The following CCSER1 variants were observed in gnomAD, a reference collection of about 807,000 sequenced individuals.
CCSER1 encodes the protein coiled-coil serine rich protein 1.
CCSER1 carries 41 observed loss-of-function variants against 82.0 expected under a neutral mutation model. That is an observed-to-expected ratio of 0.50 (90% CI 0.39 to 0.65). The LOEUF is 0.65. CCSER1 is among the 30% of genes least tolerant of loss of function. The probability of loss-of-function intolerance (pLI) is 0.00; values close to 1 mark genes in which losing one functional copy is unlikely to be tolerated. For missense variants in CCSER1, 1,119 were observed against 1,064.2 expected (o/e 1.05, Z -0.72); for synonymous variants, 414 against 383.9 (o/e 1.08, Z -0.92).
At chr4:91,473,494 C>T (rs538461131) in intron 10 of CCSER1, among the ~76,000 whole-genome samples, 1 of 152,080 alleles carries the variant, frequency 6.6e-6, no homozygotes, top group African/African-American at 2.4e-5. Context: ...TTTAGAAGGA[C>T]CATGTTTTAG....
rs1734845994 is a variant in CCSER1, at chr4:90,309,130, C to A, written c.846C>A (p.Ser282=). Residue 282 remains serine (S), a synonymous_variant, in exon 2 of 11, where the codon TCC becomes TCA. Coordinates refer to ENST00000509176, the MANE Select transcript of CCSER1 (RefSeq NM_001145065.2). ...DAFSKSGSMA[S]HCDNFGHNDS... is the part of the protein sequence containing the mutation. ...TTTCTAAAAGTGGAAGCATGGCATCCCACTGTGACAACTTTGGCCACAATG... is the reference window on the plus strand; with the variant it reads ...TTTCTAAAAGTGGAAGCATGGCATCACACTGTGACAACTTTGGCCACAATG... 1.9e-6 allele frequency: 3 copies of A among 1,613,744 alleles called. No individual in the cohort carries two copies. Among genetic ancestry groups the A allele is most frequent in the Non-Finnish European group, 2.5e-6 (3 of 1,179,840 alleles).
chr4:90,754,364 A>G (rs1458291922), intron 7 of CCSER1, among the ~76,000 whole-genome samples: 1 of 152,170 alleles, frequency 6.6e-6, no homozygotes, highest in African/African-American at 2.4e-5. Context: ...TGTATGTGTG[A>G]GCATATATAT....
At chr4:91,480,218 T>C (rs1396971080) in intron 10 of CCSER1, among the ~76,000 whole-genome samples, 1 of 151,698 alleles carries the variant, frequency 6.6e-6, no homozygotes, top group Non-Finnish European at 1.5e-5. Flanking sequence ...TGCATGTGTC[T>C]TTATAGCAGC....
intron 1 of CCSER1, among the ~76,000 whole-genome samples, chr4:90,294,240 A>T (rs926017545): frequency 4.6e-5 from 7 of 152,088 alleles, no homozygotes; most frequent in Middle Eastern, 3.4e-3. Flanking sequence ...TGCCGGGCGC[A>T]GTGGCTCATG....
At chr4:91,296,656 A>G (rs1226591767) in intron 10 of CCSER1, among the ~76,000 whole-genome samples, 1 of 149,858 alleles carries the variant, frequency 6.7e-6, no homozygotes, top group Non-Finnish European at 1.5e-5. Flanking sequence ...TGTAAGATAA[A>G]TATATATGTA....
chr4:91,374,610 G>C (rs762475326), intron 10 of CCSER1, among the ~76,000 whole-genome samples: 5 of 152,204 alleles, frequency 3.3e-5, no homozygotes, highest in Non-Finnish European at 7.3e-5. Context: ...AAATGAACAA[G>C]AAGATTAATG....
chr4:91,586,106 T>C (rs2110327814), intron 10 of CCSER1, among the ~76,000 whole-genome samples: 1 of 151,600 alleles, frequency 6.6e-6, no homozygotes, highest in South Asian at 2.1e-4. Flanking sequence ...AGAAGGAGAA[T>C]GCATCAACTA....
intron 10 of CCSER1, among the ~76,000 whole-genome samples, chr4:91,312,304 G>T (rs2149254549): frequency 6.6e-6 from 1 of 151,832 alleles, no homozygotes; most frequent in Admixed American, 6.6e-5. Context: ...AGGTATAAAA[G>T]AATATCAAGG....
intron 1 of CCSER1, among the ~76,000 whole-genome samples, chr4:90,143,954 T>G (rs1427311480): frequency 6.6e-6 from 1 of 152,112 alleles, no homozygotes; most frequent in Non-Finnish European, 1.5e-5. Flanking sequence ...CCTCCCAAAG[T>G]GTTGGGATTA....
chr4:90,584,846 A>C (rs1781810709), intron 5 of CCSER1, among the ~76,000 whole-genome samples: 1 of 152,182 alleles, frequency 6.6e-6, no homozygotes, highest in Admixed American at 6.5e-5. Flanking sequence ...ATTTGACAAA[A>C]TCTTTTTTTT....
At chr4:91,483,438 T>C (rs1252194614) in intron 10 of CCSER1, among the ~76,000 whole-genome samples, 2 of 151,950 alleles carry the variant, frequency 1.3e-5, no homozygotes, top group African/African-American at 2.4e-5. Context: ...TATACTTTTT[T>C]ACTTTTTTTT....
At chr4:91,541,160 T>C (rs1761574258) in intron 10 of CCSER1, among the ~76,000 whole-genome samples, 1 of 152,218 alleles carries the variant, frequency 6.6e-6, no homozygotes, top group Admixed American at 6.5e-5. Flanking sequence ...GTTTTGAGCC[T>C]TCCTATTCTA....
At chr4:91,542,650 C>T (rs1761665248) in intron 10 of CCSER1, among the ~76,000 whole-genome samples, 1 of 152,170 alleles carries the variant, frequency 6.6e-6, no homozygotes, top group Admixed American at 6.5e-5. Context: ...AGCTTCATTG[C>T]ACTGTGGTCT....
At chr4:90,868,563 TTGTG>T (rs1364324084) in intron 8 of CCSER1, among the ~76,000 whole-genome samples, 1 of 152,042 alleles carries the variant, frequency 6.6e-6, no homozygotes, top group African/African-American at 2.4e-5. Context: ...TTAGTACTCA[TTGTG>T]TGTGTGTACC....
At chr4:90,646,805 T>C (rs184967140) in intron 6 of CCSER1, among the ~76,000 whole-genome samples, 1 of 152,268 alleles carries the variant, frequency 6.6e-6, no homozygotes, top group African/African-American at 2.4e-5. Flanking sequence ...CCTATGATAT[T>C]CTATATCTTC....
intron 7 of CCSER1, among the ~76,000 whole-genome samples, chr4:90,793,237 AACTTGTGTCATGGGC>A (rs1412237380): frequency 1.3e-5 from 2 of 152,044 alleles, no homozygotes; most frequent in Non-Finnish European, 2.9e-5. Flanking sequence ...TATGTAGGTA[AACTTGTGTCATGGGC>A]ATTTATGGTA....
intron 8 of CCSER1, among the ~76,000 whole-genome samples, chr4:90,904,551 A>AT (rs1301200227): frequency 1.3e-5 from 2 of 152,158 alleles, no homozygotes; most frequent in African/African-American, 4.8e-5. Context: ...AAATCAATGA[A>AT]TCATGACAGT....
At chr4:90,846,974 G>A (rs539155711) in intron 8 of CCSER1, among the ~76,000 whole-genome samples, 1 of 152,202 alleles carries the variant, frequency 6.6e-6, no homozygotes, top group Non-Finnish European at 1.5e-5. Flanking sequence ...TGTTTATTAT[G>A]TGTTAGTCTT....
At chr4:90,717,471 A>T (rs915370047) in intron 6 of CCSER1, among the ~76,000 whole-genome samples, 8 of 152,146 alleles carry the variant, frequency 5.3e-5, no homozygotes, top group African/African-American at 9.7e-5. Context: ...AGATTTAGAG[A>T]TTAAACTCAA....
Sources: allele counts gnomAD v4.1 joint callset (sites outside exome capture counted in the v4.1 genomes callset), GRCh38; gene constraint gnomAD v4.1.1; transcripts MANE v1.5; gene names NCBI Gene and HGNC (gene_info 2026-07-23, HGNC 2026-07-21).